The following KIF19 variants were observed in gnomAD, a reference collection of about 807,000 sequenced individuals.
KIF19 encodes kinesin-like protein KIF19.
A neutral mutation model predicts 106.6 loss-of-function variants in KIF19; 98 were observed. The ratio of observed to expected loss-of-function variants is 0.92; its 90% CI spans 0.78 to 1.09. The LOEUF is 1.09. Ranked by LOEUF, KIF19 falls within the 50% of genes least tolerant of loss-of-function variation. The pLI is 0.00. For missense variants in KIF19, 1,373 were observed against 1,414.3 expected (o/e 0.97, Z 0.47); for synonymous variants, 516 against 584.2 (o/e 0.88, Z 1.68).
chr17:74,355,248 G>C lies in KIF19; in HGVS notation c.2933G>C (p.Arg978Pro). The C allele has an allele frequency of 1.2e-6, 2 of 1,612,712 alleles. No homozygotes were observed. Among genetic ancestry groups the C allele is most frequent in the Non-Finnish European group, 1.7e-6 (2 of 1,179,688 alleles). Residue 978 changes from arginine (R) to proline (P), a missense_variant, in exon 20 of 20, where the codon CGT (arginine) becomes CCT (proline). This residue lies in a region of KIF19 where 1,020 missense variants were observed against 1,008.2 expected (regional missense o/e 1.01). Transcript: ENST00000389916. ...GGTGGTGGTTCTCGACGGGCTACCC[G>C]TGGGCCCCGCCTGCCCCACGGCACA... ...NPGGGSRRAT[R>P]GPRLPHGTST...
In KIF19 at chr17:74,349,628, G is replaced by A. The variant is rs539462687; in HGVS notation, c.1213+279G>A. ...GAGAGGCACGTGAGCAATGAGCTGC[G>A]CAGGGCGCACACTAAGGGCTGTGGC... On this transcript the variant is annotated intron_variant, in intron 10 of 19. Coordinates refer to ENST00000389916, the MANE Select transcript of KIF19 (RefSeq NM_153209.4). 4.5e-4 allele frequency among the ~76,000 whole-genome samples: 68 copies of A among 152,352 alleles called. No homozygotes were observed. The South Asian group carries it at 0.012, about 26-fold the overall frequency.
In KIF19 at chr17:74,329,008, C is replaced by T. The variant is rs12453971; in HGVS notation, c.120+503C>T. The T allele has an allele frequency of 1.3e-3, 198 of 153,398 alleles. 2 individuals are homozygous for T. The highest frequency in any genetic ancestry group is 2.2e-3 in the Non-Finnish European group (150 of 68,868). The allele number at this position is 153,398 out of a possible 1,614,324, so 9.5% of individuals were successfully genotyped here. ...GGGAAACTGTGGTGAACAGAAAAGG[C>T]CCTGTCCTCTCTCCATTACCTTAAG... On this transcript the variant is annotated intron_variant, in intron 2 of 19. Transcript: ENST00000389916.
At chr17:74,352,485 C>A in intron 14 of KIF19, 145 bp downstream of exon 14, 1 of 1,107,170 alleles carries the variant, frequency 9.0e-7, no homozygotes, top group Non-Finnish European at 1.3e-6. Context: ...CTTCTTACCC[C>A]ACCCAAAGCC....
chr17:74,344,739 G>A, intron 6 of KIF19, 22 bp from the exon 7 acceptor site: 5 of 1,592,778 alleles, frequency 3.1e-6, no homozygotes, highest in Non-Finnish European at 3.4e-6. Context: ...GCTAAGAGCT[G>A]CCTCTCCTCC....
At chr17:74,347,736 G>T in intron 8 of KIF19, 41 bp from the exon 9 acceptor site, 1 of 1,573,156 alleles carries the variant, frequency 6.4e-7, no homozygotes, top group South Asian at 1.2e-5. Flanking sequence ...AGGAAGGCCT[G>T]AGGAGGCAGT....
intron 5 of KIF19, 78 bp from the exon 6 acceptor site, chr17:74,344,145 G>A: frequency 7.2e-7 from 1 of 1,387,094 alleles, no homozygotes; most frequent in Non-Finnish European, 9.9e-7. Context: ...TGCACGAAAG[G>A]AAAGGGGACT....
intron 15 of KIF19, 95 bp from the exon 16 acceptor site, chr17:74,353,101 T>C: frequency 1.4e-6 from 2 of 1,397,426 alleles, no homozygotes; most frequent in South Asian, 1.2e-5. Flanking sequence ...GGGTTCTCTC[T>C]CCTTTCACAC....
Position 74,352,354 on chromosome 17 carries a change from T to C in KIF19, c.1980+14T>C. Reference sequence around the variant, plus strand: ...AGGGCCCTGCAGGTGGGTGGGCGCCTGGGCGGCCTGAACATGGGCACATGT... The same window carrying C: ...AGGGCCCTGCAGGTGGGTGGGCGCCCGGGCGGCCTGAACATGGGCACATGT... On this transcript the variant is annotated intron_variant, in intron 14 of 19. Coordinates refer to ENST00000389916, the MANE Select transcript of KIF19 (RefSeq NM_153209.4). 1 of 1,598,460 alleles carries C rather than the reference T, an allele frequency of 6.3e-7. No homozygotes were observed. Among genetic ancestry groups the C allele is most frequent in the Non-Finnish European group, 8.5e-7 (1 of 1,173,858 alleles).
At chr17:74,329,993 G>T (rs1205884109) in intron 2 of KIF19, among the ~76,000 whole-genome samples, 1 of 152,232 alleles carries the variant, frequency 6.6e-6, no homozygotes, top group Admixed American at 6.5e-5. Context: ...TTACCTCTGG[G>T]CTCCCCAGGG....
At chr17:74,338,547 A>C (rs1015728638) in intron 2 of KIF19, among the ~76,000 whole-genome samples, 2 of 152,040 alleles carry the variant, frequency 1.3e-5, no homozygotes, top group African/African-American at 2.4e-5. Context: ...TGCCAGGGTC[A>C]GGCCTCCTCT....
At chr17:74,326,669 C>T (rs753156151) in intron 1 of KIF19, among the ~76,000 whole-genome samples, 5 of 152,154 alleles carry the variant, frequency 3.3e-5, no homozygotes, top group Admixed American at 6.5e-5. Context: ...AAAGCGTGCG[C>T]AGATGAATCT....
chr17:74,344,402 G>C, intron 6 of KIF19, 54 bp downstream of exon 6: 1 of 1,584,260 alleles, frequency 6.3e-7, no homozygotes. Flanking sequence ...ACCGCCTGAG[G>C]GGCAGGAGGG....
intron 17 of KIF19, 84 bp downstream of exon 17, chr17:74,353,665 C>G (rs1478314647): frequency 1.8e-6 from 2 of 1,114,966 alleles, no homozygotes; most frequent in Non-Finnish European, 2.7e-6. Context: ...CCTTTCCTGC[C>G]CTCTGCACTG....
At chr17:74,330,010 G>T (rs1211907346) in intron 2 of KIF19, among the ~76,000 whole-genome samples, 2 of 152,240 alleles carry the variant, frequency 1.3e-5, no homozygotes, top group Non-Finnish European at 2.9e-5. Context: ...AGGGGCAGGG[G>T]CCCACTCAAG....
intron 17 of KIF19, among the ~76,000 whole-genome samples, chr17:74,353,791 T>TG (rs2054791446): frequency 6.6e-6 from 1 of 152,192 alleles, no homozygotes; most frequent in Middle Eastern, 3.2e-3. Context: ...TTTAGAGAGA[T>TG]GGGGGCAGAA....
intron 2 of KIF19, among the ~76,000 whole-genome samples, chr17:74,330,757 C>T (rs1463687713): frequency 2.0e-5 from 3 of 152,354 alleles, no homozygotes; most frequent in East Asian, 3.9e-4. Flanking sequence ...AGCCAAGATA[C>T]GCCTCCACTG....
At chr17:74,335,157 A>T (rs1050549494) in intron 2 of KIF19, among the ~76,000 whole-genome samples, 13 of 152,142 alleles carry the variant, frequency 8.5e-5, no homozygotes, top group Non-Finnish European at 1.8e-4. Flanking sequence ...TGCCCCCAGG[A>T]ACATTTGGCA....
Position 74,342,695 on chromosome 17 carries a change from T to C in KIF19, c.297T>C (p.Thr99=), listed in dbSNP as rs371038827. ...IEGVISGYNA[T]VFAYGPTGCG... ...GCGTCATCTCAGGCTACAATGCCAC[T>C]GTCTTTGCCTATGGCCCCACAGGTA... The change falls in exon 4 of 20, where the codon ACT becomes ACC. Residue 99 remains threonine, a synonymous_variant. Transcript: ENST00000389916. 1.4e-5 allele frequency: 23 copies of C among 1,613,396 alleles called. No individual in the cohort carries two copies. The highest frequency in any genetic ancestry group is 1.8e-5 in the Non-Finnish European group (21 of 1,179,778).
Position 74,353,225 on chromosome 17 carries a change from C to T in KIF19, c.2144C>T (p.Thr715Ile), listed in dbSNP as rs556088065. 1.3e-6 allele frequency: 2 copies of T among 1,588,838 alleles called. No individual in the cohort carries two copies. Among genetic ancestry groups the T allele is most frequent in the South Asian group, 1.2e-5 (1 of 86,908 alleles). ...SEGHHVFKAG[T>I]GAWQAKSSSV... ...GGCCACCACGTGTTCAAGGCTGGTACTGGGGCCTGGCAGGCAAAAAGCTCC... is the reference window on the plus strand; with the variant it reads ...GGCCACCACGTGTTCAAGGCTGGTATTGGGGCCTGGCAGGCAAAAAGCTCC... Residue 715 changes from threonine to isoleucine, a missense_variant, in exon 16 of 20, where the codon ACT becomes ATT. Physicochemically the swap from Thr to Ile is moderately conservative, Grantham distance 89 (BLOSUM62 -1). Around this residue, in one of 3 missense-constraint regions of KIF19, gnomAD observed 1,020 missense variants for 1,008.2 expected, o/e 1.01. Transcript: ENST00000389916.
Sources: gnomAD v4.1 joint callset for allele counts (sites outside exome capture counted in the v4.1 genomes callset) on GRCh38, gnomAD v4.1.1 for gene constraint, gnomAD v4.1.1 regional missense constraint, MANE v1.5 for transcripts, NCBI Gene and HGNC (gene_info 2026-07-23, HGNC 2026-07-21) for gene names.